Variants in SLC24A2 observed in about 807,000 individuals in gnomAD.
The protein encoded by SLC24A2 is sodium/potassium/calcium exchanger 2.
A neutral mutation model predicts 62.0 loss-of-function variants in SLC24A2; 36 were observed. The ratio of observed to expected loss-of-function variants is 0.58; its 90% CI spans 0.44 to 0.77. The LOEUF (loss-of-function observed/expected upper bound fraction) is 0.77, where lower values mean the gene tolerates loss of function less well. Ranked by LOEUF, SLC24A2 falls within the 30% of genes least tolerant of loss-of-function variation. SLC24A2 has a pLI of 0.00. For synonymous variants in SLC24A2, 358 were observed against 294.0 expected (o/e 1.22, Z -2.23); for missense variants, 846 against 817.9 (o/e 1.03, Z -0.42).
intron 2 of SLC24A2, among the ~76,000 whole-genome samples, chr9:19,720,837 ATGTGTGTGTG>A (rs10692458): frequency 0.01 from 1,475 of 140,510 alleles, 21 homozygotes; most frequent in African/African-American, 0.035. Context: ...ATGTGGAATG[ATGTGTGTGTG>A]TGTGTGTGTG....
intron 7 of SLC24A2, among the ~76,000 whole-genome samples, chr9:19,558,949 T>G (rs1003216010): frequency 2.6e-5 from 4 of 152,218 alleles, no homozygotes; most frequent in Non-Finnish European, 5.9e-5. Flanking sequence ...CAGGGATGGT[T>G]GGAGAAGGGA....
At chr9:19,732,125 T>C (rs1821357712) in intron 2 of SLC24A2, among the ~76,000 whole-genome samples, 1 of 151,518 alleles carries the variant, frequency 6.6e-6, no homozygotes, top group Non-Finnish European at 1.5e-5. Context: ...AAAAAAAAAC[T>C]CTTCCTGGTG....
At chr9:19,675,285 G>T (rs1022276163) in intron 2 of SLC24A2, among the ~76,000 whole-genome samples, 1 of 152,152 alleles carries the variant, frequency 6.6e-6, no homozygotes, top group African/African-American at 2.4e-5. Context: ...CTCTGTGAGG[G>T]TCCTTAGTTG....
At chr9:19,666,888 C>T (rs371338039) in intron 2 of SLC24A2, among the ~76,000 whole-genome samples, 101 of 152,204 alleles carry the variant, frequency 6.6e-4, no homozygotes, top group African/African-American at 2.3e-3. Context: ...GCACAGTGTT[C>T]CCACCATGAC....
At chr9:20,263,218 G>T in the SLC24A2 span, among the ~76,000 whole-genome samples, 1 of 152,180 alleles carries the variant, frequency 6.6e-6, no homozygotes, top group African/African-American at 2.4e-5. Context: ...CCAAGACCTG[G>T]ATGGAGGAGA....
At chr9:19,666,977 C>T (rs917175176) in intron 2 of SLC24A2, among the ~76,000 whole-genome samples, 28 of 152,130 alleles carry the variant, frequency 1.8e-4, no homozygotes, top group African/African-American at 6.5e-4. Context: ...AAACAAAACA[C>T]TCAGTACAAA....
the SLC24A2 span, among the ~76,000 whole-genome samples, chr9:20,129,928 T>TACACACACACACACACACAC: frequency 3.3e-3 from 468 of 141,892 alleles, 7 homozygotes; most frequent in Non-Finnish European, 5.6e-3. Flanking sequence ...TATAATTTAC[T>TACACACACACACACACACAC]ACACACACAC....
At chr9:19,848,006 AC>A in the SLC24A2 span, among the ~76,000 whole-genome samples, 4 of 152,190 alleles carry the variant, frequency 2.6e-5, no homozygotes, top group Non-Finnish European at 5.9e-5. Context: ...ACAGGAAGCT[AC>A]TGTTCAAATT....
At chr9:20,034,715 G>C in the SLC24A2 span, among the ~76,000 whole-genome samples, 1 of 152,006 alleles carries the variant, frequency 6.6e-6, no homozygotes, top group Non-Finnish European at 1.5e-5. Context: ...TGATCCGCCC[G>C]CCTTGACCTC....
chr9:20,243,963 G>A, the SLC24A2 span, among the ~76,000 whole-genome samples: 1 of 152,138 alleles, frequency 6.6e-6, no homozygotes, highest in East Asian at 1.9e-4. Context: ...GTGGGGAGGA[G>A]GGGGATCAGG....
At chr9:19,823,909 C>G in the SLC24A2 span, among the ~76,000 whole-genome samples, 1 of 152,146 alleles carries the variant, frequency 6.6e-6, no homozygotes, top group Non-Finnish European at 1.5e-5. Flanking sequence ...GTGACAAAAA[C>G]AAGCAATGGG....
chr9:19,715,028 C>A (rs1339047107), intron 2 of SLC24A2, among the ~76,000 whole-genome samples: 1 of 151,956 alleles, frequency 6.6e-6, no homozygotes, highest in Non-Finnish European at 1.5e-5. Flanking sequence ...GTGCCTCAAC[C>A]TTTCCCCCTA....
chr9:20,157,004 A>G, the SLC24A2 span, among the ~76,000 whole-genome samples: 1 of 151,772 alleles, frequency 6.6e-6, no homozygotes. Flanking sequence ...CGTTTACTAA[A>G]GCCACAATAA....
At chr9:20,250,086 G>A in the SLC24A2 span, among the ~76,000 whole-genome samples, 11 of 152,288 alleles carry the variant, frequency 7.2e-5, no homozygotes, top group East Asian at 1.5e-3. Flanking sequence ...AACAACAATA[G>A]CAAGACCTGT....
the SLC24A2 span, among the ~76,000 whole-genome samples, chr9:19,866,785 C>T: frequency 5.3e-5 from 8 of 151,712 alleles, no homozygotes; most frequent in Non-Finnish European, 1.2e-4. Flanking sequence ...TACAGGCGCC[C>T]GCCACCACGC....
the SLC24A2 span, among the ~76,000 whole-genome samples, chr9:19,993,636 T>A: frequency 7.9e-5 from 12 of 152,136 alleles, no homozygotes; most frequent in Non-Finnish European, 5.9e-5. Context: ...CCACATCTCC[T>A]CCTCCGTGAA....
the SLC24A2 span, among the ~76,000 whole-genome samples, chr9:20,090,877 C>T: frequency 2.0e-5 from 3 of 151,950 alleles, no homozygotes; most frequent in African/African-American, 7.3e-5. Flanking sequence ...ATGACAGAAA[C>T]ATAATTCAGA....
intron 2 of SLC24A2, among the ~76,000 whole-genome samples, chr9:19,770,773 ATATT>A (rs1402161237): frequency 5.3e-5 from 8 of 152,346 alleles, no homozygotes; most frequent in Non-Finnish European, 4.4e-5. Flanking sequence ...CCTCAGAAAG[ATATT>A]TATTTCCCAG....
rs376217855 is a variant in SLC24A2 at position 19,533,960 on chromosome 9, G to C, written c.1480-5822C>G. The stretch of plus-strand genomic sequence containing the variant: ...AACCAATATGCTTTGTGAATAAACT[G>C]GGACCGTCCTGGGTAATCTGGGATG... On this transcript the variant is annotated intron_variant, in intron 8 of 10. Coordinates refer to ENST00000341998, the MANE Select transcript of SLC24A2 (RefSeq NM_020344.4). Among the ~76,000 whole-genome samples, 13 of 152,258 alleles carry C rather than the reference G, an allele frequency of 8.5e-5. No homozygotes were observed. The East Asian group carries it at 1.9e-3, about 23-fold the overall frequency.
Sources: gnomAD v4.1 joint callset for allele counts (sites outside exome capture counted in the v4.1 genomes callset) on GRCh38, gnomAD v4.1.1 for gene constraint, MANE v1.5 for transcripts, NCBI Gene and HGNC (gene_info 2026-07-23, HGNC 2026-07-21) for gene names.